DNAH14: variants seen among roughly 807,000 people sequenced by gnomAD.
The protein encoded by DNAH14 is axonemal beta dynein heavy chain 14.
DNAH14 carries 478 observed loss-of-function variants against 520.9 expected under a neutral mutation model. The ratio of observed to expected loss-of-function variants is 0.92; its 90% CI spans 0.85 to 0.99. The LOEUF (loss-of-function observed/expected upper bound fraction) is 0.99. Among genes scored for constraint, DNAH14 ranks in the 50% least tolerant of loss-of-function variants. The probability of loss-of-function intolerance (pLI) is 0.00; values close to 1 mark genes in which losing one functional copy is unlikely to be tolerated. For synonymous variants in DNAH14, 1,581 were observed against 1,757.2 expected (o/e 0.90, Z 2.51); for missense variants, 4,831 against 5,234.5 (o/e 0.92, Z 2.38).
chr1:224,943,740 A>G (rs1353437357), intron 1 of DNAH14, among the ~76,000 whole-genome samples: 2 of 151,932 alleles, frequency 1.3e-5, no homozygotes, highest in South Asian at 2.1e-4. Flanking sequence ...TTCTGCCTTC[A>G]TTTCATTATG....
intron 71 of DNAH14, among the ~76,000 whole-genome samples, chr1:225,346,911 T>C (rs1298164785): frequency 6.6e-6 from 1 of 152,112 alleles, no homozygotes; most frequent in African/African-American, 2.4e-5. Flanking sequence ...AACATAAACA[T>C]TGATTGGATA....
intron 64 of DNAH14, among the ~76,000 whole-genome samples, chr1:225,329,619 AC>A (rs1470617077): frequency 6.6e-6 from 1 of 152,060 alleles, no homozygotes; most frequent in Non-Finnish European, 1.5e-5. Flanking sequence ...ATGAAACTAG[AC>A]CCCTATCTCT....
chr1:225,042,251 T>C (rs1490423737), intron 12 of DNAH14, among the ~76,000 whole-genome samples: 1 of 152,194 alleles, frequency 6.6e-6, no homozygotes, highest in Non-Finnish European at 1.5e-5. Flanking sequence ...ACGGATTATT[T>C]ATGATGTAGG....
chr1:225,129,331 T>A (rs928937521), intron 27 of DNAH14, among the ~76,000 whole-genome samples: 211 of 152,216 alleles, frequency 1.4e-3, no homozygotes, highest in Non-Finnish European at 2.4e-3. Context: ...AAAGTTCTTA[T>A]GGAACCAAAA....
intron 41 of DNAH14, among the ~76,000 whole-genome samples, chr1:225,209,963 C>A (rs1391173405): frequency 6.6e-6 from 1 of 152,132 alleles, no homozygotes; most frequent in Non-Finnish European, 1.5e-5. Flanking sequence ...ACAGTGCATT[C>A]TGGCCCAGAT....
At chr1:225,244,980 G>T (rs2092196525) in intron 43 of DNAH14, among the ~76,000 whole-genome samples, 1 of 152,122 alleles carries the variant, frequency 6.6e-6, no homozygotes, top group African/African-American at 2.4e-5. Flanking sequence ...TCTGATGTGG[G>T]CACTTAGTGC....
intron 17 of DNAH14, among the ~76,000 whole-genome samples, chr1:225,056,277 T>G (rs1034297703): frequency 6.6e-6 from 1 of 152,242 alleles, no homozygotes; most frequent in African/African-American, 2.4e-5. Flanking sequence ...TGCATTTCTC[T>G]GAAGGCCAGT....
intron 20 of DNAH14, 145 bp from the exon 21 acceptor site, chr1:225,085,399 T>TGCTGGTAA: frequency 1.4e-6 from 1 of 706,220 alleles, no homozygotes; most frequent in Non-Finnish European, 2.4e-6. Context: ...ACCATGAAGT[T>TGCTGGTAA]GCTGGTAAGG....
At chr1:225,170,980 C>T (rs1437603248) in intron 36 of DNAH14, among the ~76,000 whole-genome samples, 1 of 152,164 alleles carries the variant, frequency 6.6e-6, no homozygotes, top group African/African-American at 2.4e-5. Context: ...CAAAACTGCT[C>T]AACTACATGG....
In DNAH14 at chr1:225,380,337, G is replaced by A. The variant is rs879654044; in HGVS notation, c.12880+15G>A. The A allele has an allele frequency of 3.4e-5, 52 of 1,545,004 alleles. No individual in the cohort carries two copies. Among genetic ancestry groups the A allele is most frequent in the Non-Finnish European group, 4.3e-5 (49 of 1,143,716 alleles). On this transcript the variant is annotated intron_variant, in intron 80 of 85. Transcript: ENST00000682510. ...AAATCTCAAAGGTGAGCATGGGACA[G>A]GAGCTTTTTCCCCTTACCTCACTCT...
chr1:225,327,059 CAT>C (rs1488609318), intron 64 of DNAH14, among the ~76,000 whole-genome samples: 2 of 152,116 alleles, frequency 1.3e-5, no homozygotes, highest in African/African-American at 2.4e-5. Context: ...CAGGGTAGAC[CAT>C]ATGTTTGGCC....
rs766228000 is a variant in DNAH14, at chr1:225,241,624, C to G, written c.6748+802C>G. 5.9e-5 allele frequency among the ~76,000 whole-genome samples: 9 copies of G among 152,134 alleles called. No homozygotes were observed. In the South Asian group the frequency reaches 6.2e-4, roughly 11 times the overall value. ...ACACACCTAGGCTATATGGCATAAC[C>G]TATTGCTCTAAGGCTACAAATATGT... On this transcript the variant is annotated intron_variant, in intron 43 of 85. Transcript: ENST00000682510.
At chr1:225,223,740 A>C (rs1574110237) in intron 41 of DNAH14, among the ~76,000 whole-genome samples, 1 of 152,184 alleles carries the variant, frequency 6.6e-6, no homozygotes, top group African/African-American at 2.4e-5. Flanking sequence ...TTACCACACC[A>C]GCTGTCAATA....
intron 43 of DNAH14, among the ~76,000 whole-genome samples, chr1:225,243,984 G>A (rs960260742): frequency 3.3e-5 from 5 of 152,026 alleles, no homozygotes; most frequent in African/African-American, 1.2e-4. Flanking sequence ...CTATGGGTTT[G>A]TCATAAATAG....
rs141940334 is a variant in DNAH14 at position 225,009,096 on chromosome 1, G to C, written c.1107+1552G>C. 7.6e-3 allele frequency among the ~76,000 whole-genome samples: 1,162 copies of C among 152,232 alleles called. 17 individuals carry two copies. The highest frequency in any genetic ancestry group is 0.027 in the African/African-American group (1,103 of 41,532). On this transcript the variant is annotated intron_variant, in intron 10 of 85. Coordinates refer to ENST00000682510, the MANE Select transcript of DNAH14 (RefSeq NM_001367479.1). ...TGATGGTAGTTTCTTTTGCTGTGCAGAAGCTCTTTAGTTTAATTAGATCCC... is the reference window on the plus strand; with the variant it reads ...TGATGGTAGTTTCTTTTGCTGTGCACAAGCTCTTTAGTTTAATTAGATCCC...
intron 11 of DNAH14, chr1:225,024,750 T>C (rs2065964291): frequency 6.6e-6 from 1 of 152,172 alleles, no homozygotes; most frequent in Admixed American, 6.5e-5. Context: ...TTAGTGATAG[T>C]GCATTATAAT....
chr1:225,179,065 A>G (rs1559199232), intron 36 of DNAH14, among the ~76,000 whole-genome samples: 1 of 152,202 alleles, frequency 6.6e-6, no homozygotes, highest in Non-Finnish European at 1.5e-5. Flanking sequence ...TGTAACTCCA[A>G]TTAAACCTCT....
At chr1:225,220,689 G>A (rs1451066210) in intron 41 of DNAH14, among the ~76,000 whole-genome samples, 1 of 152,064 alleles carries the variant, frequency 6.6e-6, no homozygotes, top group Non-Finnish European at 1.5e-5. Flanking sequence ...CATGCTCATG[G>A]ATAGGAAGAA....
intron 27 of DNAH14, among the ~76,000 whole-genome samples, chr1:225,136,823 A>G (rs1306115965): frequency 2.0e-5 from 3 of 152,152 alleles, no homozygotes; most frequent in African/African-American, 7.2e-5. Context: ...CCATAATCCC[A>G]TAATTCTCAG....
Sources: gnomAD v4.1 joint callset for allele counts (sites outside exome capture counted in the v4.1 genomes callset) on GRCh38, gnomAD v4.1.1 for gene constraint, MANE v1.5 for transcripts, NCBI Gene and HGNC (gene_info 2026-07-23, HGNC 2026-07-21) for gene names.